Variants in GAS7 observed in about 807,000 individuals in gnomAD.
GAS7 encodes the protein growth arrest specific 7, also known as growth arrest-specific protein 7.
Under a neutral mutation model 71.1 loss-of-function variants are expected in GAS7, and 28 were observed. The ratio of observed to expected loss-of-function variants is 0.39; its 90% confidence interval spans 0.29 to 0.54. The LOEUF (loss-of-function observed/expected upper bound fraction) is 0.54. GAS7 is among the 20% of genes least tolerant of loss of function. GAS7 has a pLI of 0.62. For missense variants in GAS7, 436 were observed against 627.8 expected (o/e 0.69, Z 3.27); for synonymous variants, 258 against 245.8 (o/e 1.05, Z -0.46).
chr17:10,171,367 C>T (rs1442421098), intron 1 of GAS7, among the ~76,000 whole-genome samples: 1 of 152,162 alleles, frequency 6.6e-6, no homozygotes, highest in Non-Finnish European at 1.5e-5. Flanking sequence ...TGGCTCCCTG[C>T]CTGTCACCAA....
chr17:10,006,056 T>C (rs1329325361), intron 2 of GAS7, among the ~76,000 whole-genome samples: 1 of 152,100 alleles, frequency 6.6e-6, no homozygotes, highest in Non-Finnish European at 1.5e-5. Context: ...TGCCATGTAA[T>C]GAATGGTAAA....
At chr17:9,975,772 C>A (rs80318912) in intron 3 of GAS7, among the ~76,000 whole-genome samples, 1 of 152,150 alleles carries the variant, frequency 6.6e-6, no homozygotes, top group Admixed American at 6.5e-5. Flanking sequence ...TGCTGACATG[C>A]GCTTGAAATC....
intron 1 of GAS7, among the ~76,000 whole-genome samples, chr17:10,178,853 G>A (rs2074393442): frequency 1.3e-5 from 2 of 151,678 alleles, no homozygotes; most frequent in South Asian, 2.1e-4. Flanking sequence ...TTCTTTGTTC[G>A]CTGGTTAACA....
chr17:9,934,225 C>A lies in GAS7; in HGVS notation c.826G>T (p.Ala276Ser). 6.2e-7 allele frequency: 1 copy of A among 1,611,538 alleles called. No homozygotes were observed. The highest frequency in any genetic ancestry group is 8.5e-7 in the Non-Finnish European group (1 of 1,177,966). ...QEEGSLGEAW[A>S]QVKKSLADEA... ...TCCGCCAGGCTCTTCTTCACCTGGG[C>A]CCACGCCTCTCCCAAGGAGCTGCAA... is the stretch of plus-strand genomic sequence containing the variant. The change falls in exon 9 of 14, where the codon GCC becomes TCC. Residue 276 changes from alanine to serine, a missense_variant. By Grantham distance (99) the Ala-to-Ser change is moderately conservative. Transcript: ENST00000432992.
intron 9 of GAS7, among the ~76,000 whole-genome samples, chr17:9,928,833 C>T (rs1405415545): frequency 2.0e-5 from 3 of 152,170 alleles, no homozygotes; most frequent in African/African-American, 7.2e-5. Flanking sequence ...GGGTGGGTGC[C>T]CCTTCTGTGT....
intron 1 of GAS7, among the ~76,000 whole-genome samples, chr17:10,154,960 C>T (rs1259538499): frequency 6.8e-6 from 1 of 147,448 alleles, no homozygotes; most frequent in Non-Finnish European, 1.5e-5. Context: ...ACACACAAAA[C>T]CCATGTCCAC....
At chr17:10,056,410 G>A (rs1427483840) in intron 1 of GAS7, among the ~76,000 whole-genome samples, 1 of 152,102 alleles carries the variant, frequency 6.6e-6, no homozygotes, top group African/African-American at 2.4e-5. Flanking sequence ...TGGGAGGATC[G>A]CTTGAGCCCA....
rs535447635 is a variant in GAS7, at chr17:9,980,780, G to T, written c.385+1024C>A. On this transcript the variant is annotated intron_variant, in intron 3 of 13. Transcript: ENST00000432992. ...GGTCAACTAGGAACAGGATGATGGG[G>T]ACATTAAAATAGCATGCGGCTGAGA... Among the ~76,000 whole-genome samples the T allele has an allele frequency of 2.0e-5, 3 of 152,294 alleles. No homozygotes were observed. The East Asian group carries it at 5.8e-4, about 29-fold the overall frequency.
rs2073325264 is a variant in GAS7 at position 10,070,250 on chromosome 17, T to G, written c.184-50353A>C. Among the ~76,000 whole-genome samples, 5 of 152,126 alleles carry G rather than the reference T, an allele frequency of 3.3e-5. No individual in the cohort carries two copies. The South Asian group carries it at 1.0e-3, about 32-fold the overall frequency. On this transcript the variant is annotated intron_variant, in intron 1 of 13. Transcript: ENST00000432992. ...TTCATTCTCATTTATTCGCCAACTT[T>G]TGTGGCCACTAAGTCCTGGGAATCA...
chr17:10,016,602 C>CAAAAAAAAAAAAA (rs1158379710), intron 2 of GAS7, among the ~76,000 whole-genome samples: 8 of 84,722 alleles, frequency 9.4e-5, no homozygotes, highest in Non-Finnish European at 1.7e-4. Context: ...CTGTCTCTAC[C>CAAAAAAAAAAAAA]AAAAAAAAAA....
In GAS7 at chr17:10,191,396, C is replaced by T. The variant is rs146137429; in HGVS notation, c.183+6812G>A. ...ACCAGTCTGAGAAACATGGTGAAAC[C>T]CTGTCTCTACAAAAAATACAAAAAT... On this transcript the variant is annotated intron_variant, in intron 1 of 13. Coordinates refer to ENST00000432992, the MANE Select transcript of GAS7 (RefSeq NM_201433.2). Among the ~76,000 whole-genome samples the T allele has an allele frequency of 2.2e-3, 334 of 151,364 alleles. 1 individual carries two copies. Among genetic ancestry groups the T allele is most frequent in the African/African-American group, 7.8e-3 (322 of 41,208 alleles).
At chr17:10,118,561 A>C (rs907301946) in intron 1 of GAS7, among the ~76,000 whole-genome samples, 1 of 152,048 alleles carries the variant, frequency 6.6e-6, no homozygotes, top group Non-Finnish European at 1.5e-5. Flanking sequence ...AAATACAAAA[A>C]TTAGCCAGGT....
intron 1 of GAS7, among the ~76,000 whole-genome samples, chr17:10,022,741 G>A (rs542629500): frequency 2.6e-4 from 39 of 152,304 alleles, no homozygotes; most frequent in African/African-American, 9.1e-4. Context: ...CACACAGTCC[G>A]TCTACGGCGA....
intron 5 of GAS7, among the ~76,000 whole-genome samples, chr17:9,953,787 T>G (rs2069113958): frequency 6.6e-6 from 1 of 152,248 alleles, no homozygotes; most frequent in Non-Finnish European, 1.5e-5. Context: ...TTCTCCTCCT[T>G]GCCAGACAGC....
chr17:10,128,101 G>A (rs1028207491), intron 1 of GAS7, among the ~76,000 whole-genome samples: 1 of 152,198 alleles, frequency 6.6e-6, no homozygotes, highest in Non-Finnish European at 1.5e-5. Context: ...CCCGGCTGGG[G>A]CCCCCGAGTC....
intron 1 of GAS7, among the ~76,000 whole-genome samples, chr17:10,090,294 T>G (rs571221216): frequency 6.6e-6 from 1 of 152,300 alleles, no homozygotes; most frequent in South Asian, 2.1e-4. Flanking sequence ...TTCCTTTCGC[T>G]TAAAATAAAA....
chr17:10,143,190 C>CA (rs571005562), intron 1 of GAS7, among the ~76,000 whole-genome samples: 136 of 151,304 alleles, frequency 9.0e-4, no homozygotes, highest in African/African-American at 1.2e-3. Context: ...TCAGAAAAGA[C>CA]AAAAAAAATC....
In GAS7 at chr17:9,922,619, C is replaced by G. The variant is rs372709863; in HGVS notation, c.1138+2857G>C. Among the ~76,000 whole-genome samples, 6 of 152,200 alleles carry G rather than the reference C, an allele frequency of 3.9e-5. No homozygotes were observed. The South Asian group carries it at 8.3e-4, about 21-fold the overall frequency. On this transcript the variant is annotated intron_variant, in intron 11 of 13. Coordinates refer to ENST00000432992, the MANE Select transcript of GAS7 (RefSeq NM_201433.2). ...ACTTTCGTCACAAAATAATTCCAAACTACAGGAATGAGAGACCGTATTATC... is the reference window on the plus strand; with the variant it reads ...ACTTTCGTCACAAAATAATTCCAAAGTACAGGAATGAGAGACCGTATTATC...
chr17:10,038,063 A>G (rs1427804194), intron 1 of GAS7, among the ~76,000 whole-genome samples: 3 of 152,172 alleles, frequency 2.0e-5, no homozygotes. Context: ...CTTAAAAAAA[A>G]AAAACCAGAC....
Sources: gnomAD v4.1 joint callset for allele counts (sites outside exome capture counted in the v4.1 genomes callset) on GRCh38, gnomAD v4.1.1 for gene constraint, MANE v1.5 for transcripts, NCBI Gene and HGNC (gene_info 2026-07-23, HGNC 2026-07-21) for gene names.